PLEKHJ1: variants seen among roughly 807,000 people sequenced by gnomAD.
The protein encoded by PLEKHJ1 is pleckstrin homology domain containing J1.
A neutral mutation model predicts 21.7 loss-of-function variants in PLEKHJ1; 20 were observed. That is an observed-to-expected ratio of 0.92 (90% CI 0.65 to 1.34). PLEKHJ1 has a LOEUF of 1.34. PLEKHJ1 is among the 40% of genes most tolerant of loss of function. The pLI is 0.00. For missense variants in PLEKHJ1, 241 were observed against 202.0 expected, an observed-to-expected ratio of 1.19 and a Z score of -1.17; for synonymous variants, 113 against 80.6, an observed-to-expected ratio of 1.40 and a Z score of -2.15.
intron 1 of PLEKHJ1, 32 bp from the exon 2 acceptor site, chr19:2,236,022 G>A (rs373860639): frequency 2.5e-6 from 4 of 1,582,502 alleles, no homozygotes; most frequent in Admixed American, 1.8e-5. Context: ...AGGGGCGCAG[G>A]CAGCCCCCGC....
chr19:2,232,729 C>T (rs149355845), downstream of PLEKHJ1, among the ~76,000 whole-genome samples: 391 of 152,308 alleles, frequency 2.6e-3, 3 homozygotes, highest in African/African-American at 7.1e-3. Context: ...CACCAGGACA[C>T]CCTGGCCTTG....
rs371123331 is a variant in PLEKHJ1 at position 2,233,442 on chromosome 19, G to A, written c.*398C>T. 5.3e-5 allele frequency: 13 copies of A among 244,764 alleles called. No individual in the cohort carries two copies. The highest frequency in any genetic ancestry group is 7.1e-5 in the Non-Finnish European group (9 of 125,928). 15.2% of individuals were successfully genotyped at this position (244,764 alleles called of 1,614,324 possible). ...CTGGCGGCAGCAGCACGTGGCACCA[G>A]GTGCCAGGCCAGTTAGGTGGATCCT... On this transcript the variant is annotated 3_prime_UTR_variant, in exon 6 of 6. Transcript: ENST00000326631.
chr19:2,232,219 A>G, downstream of PLEKHJ1: 1 of 220,154 alleles, frequency 4.5e-6, no homozygotes, highest in Non-Finnish European at 9.1e-6. Flanking sequence ...TAGGAACCCT[A>G]AAAACTAGGA....
intron 5 of PLEKHJ1, 39 bp from the exon 6 acceptor site, chr19:2,233,944 G>A (rs1343070341): frequency 1.9e-6 from 3 of 1,611,936 alleles, no homozygotes; most frequent in East Asian, 4.5e-5. Context: ...AGGGCTGGAG[G>A]ACTGCCTCTG....
At chr19:2,235,896 C>A in intron 2 of PLEKHJ1, 27 bp downstream of exon 2, 1 of 1,603,694 alleles carries the variant, frequency 6.2e-7, no homozygotes, top group East Asian at 2.2e-5. Flanking sequence ...AGCCTGGGAC[C>A]CGCCCGCGCG....
chr19:2,236,086 ACCCCCGCCCAGACCCCGGCCCCGGC>A (rs2024803882), intron 1 of PLEKHJ1, 44 bp downstream of exon 1: 3 of 1,385,488 alleles, frequency 2.2e-6, no homozygotes, highest in Non-Finnish European at 1.9e-6. Flanking sequence ...GGCCTCCGGC[ACCCCCGCCCAGACCCCGGCCCCGGC>A]CTCCCGCCCC....
chr19:2,230,131 C>T (rs143685653), downstream of PLEKHJ1: 627 of 508,774 alleles, frequency 1.2e-3, 5 homozygotes, highest in East Asian at 0.014. Flanking sequence ...AGGGCGGGCC[C>T]GCCAGCGGAT....
At chr19:2,230,329 C>G (rs904632173), downstream of PLEKHJ1, 2 of 414,828 alleles carry the variant, frequency 4.8e-6, no homozygotes, top group South Asian at 2.0e-4. Flanking sequence ...GGCCTCCCCG[C>G]GGCCTGAGCC....
chr19:2,232,117 G>A (rs1189977058), downstream of PLEKHJ1: 2 of 217,716 alleles, frequency 9.2e-6, no homozygotes, highest in Non-Finnish European at 9.2e-6. Flanking sequence ...CCTGGCCTGA[G>A]TTTCCGTGGG....
chr19:2,231,595 A>C, downstream of PLEKHJ1: 2 of 191,334 alleles, frequency 1.0e-5, no homozygotes, highest in African/African-American at 4.9e-5. Context: ...TGCCCTCCCC[A>C]CCCCACGTTG....
downstream of PLEKHJ1, chr19:2,233,136 A>G (rs1029749264): frequency 1.3e-5 from 2 of 151,958 alleles, no homozygotes; most frequent in African/African-American, 4.9e-5. Context: ...CCTCTCCTTC[A>G]CTTCACCGCC....
At chr19:2,232,416 T>A (rs1030759251), downstream of PLEKHJ1, 1 of 212,326 alleles carries the variant, frequency 4.7e-6, no homozygotes, top group East Asian at 6.9e-5. Context: ...TGTCAGCCTT[T>A]GTAACGTGGG....
chr19:2,230,233 C>T (rs548102399), downstream of PLEKHJ1: 3 of 414,620 alleles, frequency 7.2e-6, no homozygotes, highest in African/African-American at 4.1e-5. Context: ...ACGCCGAACC[C>T]CGTTCTCGGA....
At chr19:2,234,526 C>T (rs78574769) in intron 3 of PLEKHJ1, 2 of 383,344 alleles carry the variant, frequency 5.2e-6, no homozygotes, top group East Asian at 1.0e-4. Flanking sequence ...GCCTGGGTGA[C>T]ATGGCAAAAT....
chr19:2,234,530 G>T, intron 3 of PLEKHJ1: 1 of 372,774 alleles, frequency 2.7e-6, no homozygotes, highest in Non-Finnish European at 4.9e-6. Context: ...GGGTGACATG[G>T]CAAAATCCCC....
rs977620061 is a variant in PLEKHJ1, at chr19:2,234,190, C to G, written c.280G>C (p.Glu94Gln). 6.2e-7 allele frequency: 1 copy of G among 1,613,028 alleles called. No homozygotes were observed. The highest frequency in any genetic ancestry group is 1.3e-5 in the African/African-American group (1 of 74,922). ...RKYHFECSSE[E>Q]QCQEWMEALR... ...GCCTCCATCCACTCCTGACACTGCTCCTCGCTGCTGCACTCAAAGTGATAC... is the reference window on the plus strand; with the variant it reads ...GCCTCCATCCACTCCTGACACTGCTGCTCGCTGCTGCACTCAAAGTGATAC... The change falls in exon 4 of 6, where the codon GAG becomes CAG. Residue 94 changes from glutamate (E) to glutamine (Q), a missense_variant. Physicochemically the swap from Glu to Gln is conservative, Grantham distance 29. Transcript: ENST00000326631.
chr19:2,236,059 GCCCCGACCCGGACTCCGGCCTCCGGCAC>G (rs1210242764), intron 1 of PLEKHJ1, 68 bp downstream of exon 1: 9 of 1,453,578 alleles, frequency 6.2e-6, no homozygotes, highest in Non-Finnish European at 7.3e-6. Context: ...CGTCCCCGGC[GCCCCGACCCGGACTCCGGCCTCCGGCAC>G]CCCCGCCCAG....
downstream of PLEKHJ1, chr19:2,230,289 G>A (rs1351923408): frequency 1.4e-5 from 6 of 418,228 alleles, no homozygotes; most frequent in African/African-American, 1.2e-4. Context: ...CCGTACCAAA[G>A]GCAGGCCCGT....
In PLEKHJ1 at chr19:2,233,815, G is replaced by T; in HGVS notation, c.*25C>A. 6.3e-7 allele frequency: 1 copy of T among 1,580,698 alleles called. No homozygotes were observed. On this transcript the variant is annotated 3_prime_UTR_variant, in exon 6 of 6. Transcript: ENST00000326631. ...TGGGCAGGGCCAGTCCCGTCCCGCT[G>T]CACGCTGACCACCGTGCCCTGCGCT...
Sources: allele counts gnomAD v4.1 joint callset (sites outside exome capture counted in the v4.1 genomes callset), GRCh38; gene constraint gnomAD v4.1.1; transcripts MANE v1.5; gene names NCBI Gene and HGNC (gene_info 2026-07-23, HGNC 2026-07-21).